The following QPCT variants were observed in gnomAD, a reference collection of about 807,000 sequenced individuals.
QPCT encodes the protein glutaminyl-peptide cyclotransferase, also known as EC.
In QPCT, 44 loss-of-function variants were observed where a neutral mutation model predicts 43.4. That is an observed-to-expected ratio of 1.01 (90% CI 0.80 to 1.30). The LOEUF (loss-of-function observed/expected upper bound fraction) is 1.30, where lower values mean the gene tolerates loss of function less well. Among genes scored for constraint, QPCT ranks in the 50% most tolerant of loss-of-function variants. The pLI, the probability that QPCT is intolerant of heterozygous loss-of-function variation, is 0.00. For synonymous variants in QPCT, 168 were observed against 168.4 expected (o/e 1.00, Z 0.02); for missense variants, 526 against 436.5 (o/e 1.21, Z -1.83).
At chr2:37,344,885 C>T in intron 1 of QPCT, 34 bp downstream of exon 1, 5 of 1,523,002 alleles carry the variant, frequency 3.3e-6, no homozygotes, top group Non-Finnish European at 4.4e-6. Context: ...TGTACTTGAG[C>T]GGCTCTGGTC....
intron 5 of QPCT, among the ~76,000 whole-genome samples, chr2:37,371,199 G>A (rs956928062): frequency 3.2e-4 from 48 of 151,902 alleles, no homozygotes; most frequent in African/African-American, 1.1e-3. Context: ...TACTTTGATG[G>A]TAGCCTTGAG....
rs958941658 is a variant in QPCT at position 37,352,779 on chromosome 2, C to T, written c.121-10C>T. 6.2e-7 allele frequency: 1 copy of T among 1,612,236 alleles called. No homozygotes were observed. The highest frequency in any genetic ancestry group is 8.5e-7 in the Non-Finnish European group (1 of 1,178,414). Reference sequence around the variant, plus strand: ...GGATAGCTAGTTAAATGATTTCATTCAATCCTCAGAATTACCACCAGCCAG... The same window carrying T: ...GGATAGCTAGTTAAATGATTTCATTTAATCCTCAGAATTACCACCAGCCAG... On this transcript the variant is annotated splice_polypyrimidine_tract_variant and intron_variant, in intron 1 of 6. Transcript: ENST00000338415.
Position 37,372,833 on chromosome 2 carries a change from T to C in QPCT, c.*6T>C. On this transcript the variant is annotated 3_prime_UTR_variant, in exon 7 of 7. Coordinates refer to ENST00000338415, the MANE Select transcript of QPCT (RefSeq NM_012413.4). ...TGGAATATCTTCATTTGTAATACTCTGATTTAGTTTAGGATAATTGGTTCT... is the reference window on the plus strand; with the variant it reads ...TGGAATATCTTCATTTGTAATACTCCGATTTAGTTTAGGATAATTGGTTCT... 2 of 1,596,490 alleles carry C rather than the reference T, an allele frequency of 1.3e-6. No homozygotes were observed. The highest frequency in any genetic ancestry group is 1.7e-6 in the Non-Finnish European group (2 of 1,170,262).
Position 37,344,737 on chromosome 2 carries a change from A to G in QPCT, c.6A>G (p.Ala2=). M[A]GGRHRRVVGT... is the part of the protein sequence containing the mutation. The stretch of plus-strand genomic sequence containing the variant: ...TCCCAGACAGACTCGGAGAGATGGC[A>G]GGCGGAAGACACCGGCGCGTCGTGG... Residue 2 remains alanine, a synonymous_variant, in exon 1 of 7, where the codon GCA becomes GCG. Coordinates refer to ENST00000338415, the MANE Select transcript of QPCT (RefSeq NM_012413.4). 1 of 1,602,960 alleles carries G rather than the reference A, an allele frequency of 6.2e-7. No individual in the cohort carries two copies. The highest frequency in any genetic ancestry group is 1.1e-5 in the South Asian group (1 of 90,184).
chr2:37,359,851 C>T lies in QPCT; in HGVS notation c.539C>T (p.Ser180Phe). 6.2e-7 allele frequency: 1 copy of T among 1,613,698 alleles called. No homozygotes were observed. Among genetic ancestry groups the T allele is most frequent in the Non-Finnish European group, 8.5e-7 (1 of 1,179,634 alleles). Residue 180 changes from serine (S) to phenylalanine (F), a missense_variant, in exon 3 of 7, where the codon TCC (serine) becomes TTC (phenylalanine). Physicochemically the swap from Ser to Phe is radical, Grantham distance 155 (BLOSUM62 -2). Transcript: ENST00000338415. ...LARALDKKLLSLKTVSDSKPD... is the reference protein window; with the variant it reads ...LARALDKKLLFLKTVSDSKPD... ...CGTGCCTTAGACAAGAAACTCCTTTCCTTAAAGGTATCTGTTTTCTGCTTA... is the reference window on the plus strand; with the variant it reads ...CGTGCCTTAGACAAGAAACTCCTTTTCTTAAAGGTATCTGTTTTCTGCTTA...
intron 1 of QPCT, among the ~76,000 whole-genome samples, chr2:37,351,509 A>C (rs1035637527): frequency 6.6e-6 from 1 of 152,240 alleles, no homozygotes; most frequent in African/African-American, 2.4e-5. Flanking sequence ...AAAGTCTACT[A>C]TTTAGTTGGC....
Position 37,344,766 on chromosome 2 carries a change from C to A in QPCT, c.35C>A (p.Thr12Asn). The change falls in exon 1 of 7, where the codon ACC becomes AAC. Residue 12 changes from threonine (T) to asparagine (N), a missense_variant. Physicochemically the swap from Thr to Asn is moderately conservative, Grantham distance 65. Coordinates refer to ENST00000338415, the MANE Select transcript of QPCT (RefSeq NM_012413.4). ...AGGRHRRVVG[T>N]LHLLLLVAAL... is the part of the protein sequence containing the mutation. Reference sequence around the variant, plus strand: ...GGAAGACACCGGCGCGTCGTGGGCACCCTCCACCTGCTGCTGCTGGTGGCC... The same window carrying A: ...GGAAGACACCGGCGCGTCGTGGGCAACCTCCACCTGCTGCTGCTGGTGGCC... 2 of 1,608,834 alleles carry A rather than the reference C, an allele frequency of 1.2e-6. No homozygotes were observed. Among genetic ancestry groups the A allele is most frequent in the South Asian group, 1.1e-5 (1 of 90,760 alleles).
intron 4 of QPCT, 51 bp from the exon 5 acceptor site, chr2:37,369,634 T>C (rs1225007034): frequency 2.2e-6 from 3 of 1,363,482 alleles, no homozygotes; most frequent in African/African-American, 1.4e-5. Flanking sequence ...TGTTGATGAA[T>C]ATAAAACACG....
At chr2:37,361,164 G>A (rs956546649) in intron 3 of QPCT, among the ~76,000 whole-genome samples, 3 of 152,052 alleles carry the variant, frequency 2.0e-5, no homozygotes, top group African/African-American at 7.2e-5. Flanking sequence ...TTTTTAAGAG[G>A]CTGTTTTTGA....
At chr2:37,349,427 G>A (rs906654259) in intron 1 of QPCT, among the ~76,000 whole-genome samples, 1 of 152,086 alleles carries the variant, frequency 6.6e-6, no homozygotes, top group African/African-American at 2.4e-5. Flanking sequence ...TTGGGGGAGG[G>A]GGCATTTATT....
At chr2:37,358,438 C>CAACAAAACAAAACAA (rs143537953) in intron 2 of QPCT, among the ~76,000 whole-genome samples, 14,321 of 151,158 alleles carry the variant, frequency 0.095, 2,141 homozygotes, top group African/African-American at 0.31. Context: ...CCCTGTTAAA[C>CAACAAAACAAAACAA]AACAAAACAA....
chr2:37,354,634 C>G (rs1242855047), intron 2 of QPCT, among the ~76,000 whole-genome samples: 1 of 152,180 alleles, frequency 6.6e-6, no homozygotes, highest in Non-Finnish European at 1.5e-5. Flanking sequence ...CTCCAGCTCT[C>G]GATCTTCTCA....
chr2:37,372,907 G>C lies in QPCT; in HGVS notation c.*80G>C. 2.3e-6 allele frequency: 3 copies of C among 1,279,140 alleles called. No homozygotes were observed. The highest frequency in any genetic ancestry group is 3.2e-6 in the Non-Finnish European group (3 of 930,048). The allele number at this position is 1,279,140 out of a possible 1,614,324, so 79.2% of individuals were successfully genotyped here. ...CATCATTTAAAATAATCTGATTTCA[G>C]ACAAATGCTGTGTGGAAACATCTAT... On this transcript the variant is annotated 3_prime_UTR_variant, in exon 7 of 7. Transcript: ENST00000338415.
At chr2:37,370,527 T>C (rs1022866763) in intron 5 of QPCT, among the ~76,000 whole-genome samples, 8 of 152,194 alleles carry the variant, frequency 5.3e-5, no homozygotes, top group Non-Finnish European at 8.8e-5. Context: ...TATTCTTCAG[T>C]TTTTCTTTTC....
At chr2:37,365,806 G>A (rs1013067154) in intron 3 of QPCT, among the ~76,000 whole-genome samples, 1 of 152,192 alleles carries the variant, frequency 6.6e-6, no homozygotes, top group Non-Finnish European at 1.5e-5. Flanking sequence ...GCAGGGAGAG[G>A]AGGAATGTGA....
At chr2:37,368,795 G>C (rs1673016009) in intron 4 of QPCT, 1 of 402,444 alleles carries the variant, frequency 2.5e-6, no homozygotes, top group African/African-American at 2.1e-5. Context: ...AAGCCACAGT[G>C]ATTCATATAT....
chr2:37,362,647 C>A (rs922485804), intron 3 of QPCT, among the ~76,000 whole-genome samples: 9 of 152,130 alleles, frequency 5.9e-5, no homozygotes, highest in African/African-American at 2.2e-4. Context: ...ATAGGAACCA[C>A]AATATGAAGA....
chr2:37,366,982 A>G (rs1196017757), intron 3 of QPCT: 1 of 410,684 alleles, frequency 2.4e-6, no homozygotes, highest in Non-Finnish European at 4.4e-6. Flanking sequence ...GTGAGGAGTA[A>G]GAAAAAATAT....
intron 3 of QPCT, 69 bp downstream of exon 3, chr2:37,359,927 AT>A: frequency 6.7e-7 from 1 of 1,494,196 alleles, no homozygotes; most frequent in Non-Finnish European, 9.1e-7. Flanking sequence ...GAATTCTAGA[AT>A]CCTTGGAGGA....
Sources: gnomAD v4.1 joint callset for allele counts (sites outside exome capture counted in the v4.1 genomes callset) on GRCh38, gnomAD v4.1.1 for gene constraint, MANE v1.5 for transcripts, NCBI Gene and HGNC (gene_info 2026-07-23, HGNC 2026-07-21) for gene names.